ACACA: variants seen among roughly 807,000 people sequenced by gnomAD.
ACACA encodes the protein acetyl-CoA carboxylase 1.
Under a neutral mutation model 296.1 loss-of-function variants are expected in ACACA, and 103 were observed. The ratio of observed to expected loss-of-function variants is 0.35; its 90% CI spans 0.30 to 0.41. ACACA has a LOEUF of 0.41. ACACA is among the 10% of genes least tolerant of loss of function. The probability of loss-of-function intolerance (pLI) is 1.00; values close to 1 mark genes in which losing one functional copy is unlikely to be tolerated. For synonymous variants in ACACA, 953 were observed against 1,038.6 expected, an observed-to-expected ratio of 0.92 and a Z score of 1.58; for missense variants, 1,554 against 2,989.7, an observed-to-expected ratio of 0.52 and a Z score of 11.20.
At chr17:37,160,651 C>T (rs1433732490) in intron 42 of ACACA, among the ~76,000 whole-genome samples, 1 of 152,176 alleles carries the variant, frequency 6.6e-6, no homozygotes, top group African/African-American at 2.4e-5. Context: ...TGGATTTAAA[C>T]ACTCTGTAAA....
chr17:37,385,601 C>A (rs1261374258), intron 1 of ACACA, among the ~76,000 whole-genome samples: 1 of 152,188 alleles, frequency 6.6e-6, no homozygotes, highest in African/African-American at 2.4e-5. Context: ...CTACTAGACA[C>A]ACTTGCAGCA....
At chr17:37,332,002 C>T (rs1340179194) in intron 2 of ACACA, among the ~76,000 whole-genome samples, 2 of 151,698 alleles carry the variant, frequency 1.3e-5, no homozygotes, top group Admixed American at 1.3e-4. Flanking sequence ...TGTGCTGACA[C>T]TGATATGAGA....
intron 1 of ACACA, among the ~76,000 whole-genome samples, chr17:37,354,773 A>C (rs187725087): frequency 9.9e-4 from 151 of 152,152 alleles, no homozygotes; most frequent in African/African-American, 3.5e-3. Flanking sequence ...CCACAAAAAA[A>C]ATTTAAAATT....
At chr17:37,177,074 C>A (rs1266415364) in intron 41 of ACACA, among the ~76,000 whole-genome samples, 2 of 152,086 alleles carry the variant, frequency 1.3e-5, no homozygotes, top group East Asian at 1.9e-4. Flanking sequence ...AACTCAAAAT[C>A]TTTTGAAGAA....
intron 1 of ACACA, among the ~76,000 whole-genome samples, chr17:37,349,501 T>C (rs952654689): frequency 6.7e-6 from 1 of 148,748 alleles, no homozygotes; most frequent in Admixed American, 6.8e-5. Context: ...ATATCTTACA[T>C]ATATATATCT....
At position 37,341,507 on chromosome 17, in the gene ACACA, T is replaced by C. The variant is rs544675005; in HGVS notation, c.39-1657A>G. 2.2e-4 allele frequency among the ~76,000 whole-genome samples: 33 copies of C among 152,144 alleles called. 1 individual carries two copies. The highest frequency in any genetic ancestry group is 1.8e-3 in the Admixed American group (27 of 15,266). ...GGAGTCAAAACCAGCTGGGCCAACA[T>C]GGTGAAACCTCGTCTTTACTAAACA... is the stretch of plus-strand genomic sequence containing the variant. On this transcript the variant is annotated intron_variant, in intron 1 of 55. Coordinates refer to ENST00000616317, the MANE Select transcript of ACACA (RefSeq NM_198834.3).
chr17:37,252,440 C>T (rs548974051), intron 15 of ACACA, among the ~76,000 whole-genome samples: 6 of 152,170 alleles, frequency 3.9e-5, no homozygotes, highest in Admixed American at 6.5e-5. Context: ...CAAAGAAAAA[C>T]GGTGTATAGC....
chr17:37,390,533 A>T (rs1045504043), intron 1 of ACACA, among the ~76,000 whole-genome samples: 2 of 149,186 alleles, frequency 1.3e-5, no homozygotes, highest in Non-Finnish European at 3.0e-5. Flanking sequence ...AGGCTGAGGC[A>T]GGAGAATTGC....
chr17:37,129,155 T>G (rs2074968431), intron 47 of ACACA, among the ~76,000 whole-genome samples: 1 of 152,224 alleles, frequency 6.6e-6, no homozygotes, highest in African/African-American at 2.4e-5. Flanking sequence ...AATGGGTGAT[T>G]GGGAAATGTC....
chr17:37,340,152 T>A (rs1405340579), intron 1 of ACACA, among the ~76,000 whole-genome samples: 1 of 152,190 alleles, frequency 6.6e-6, no homozygotes, highest in African/African-American at 2.4e-5. Context: ...AATTTTCATT[T>A]CTAATATTTC....
At position 37,352,727 on chromosome 17, in the gene ACACA, C is replaced by CAA. The variant is rs58899496; in HGVS notation, c.39-12879_39-12878dup. Among the ~76,000 whole-genome samples, 126 of 126,030 alleles carry CAA rather than the reference C, an allele frequency of 1.0e-3. 1 individual carries two copies. Among genetic ancestry groups the CAA allele is most frequent in the African/African-American group, 3.6e-3 (124 of 34,174 alleles). The allele number at this position is 126,030 out of a possible 152,430, so 82.7% of individuals were successfully genotyped here. A position where few individuals can be genotyped will look rare whatever the true frequency, so the allele number is the denominator to read the frequency against. On this transcript the variant is annotated intron_variant, in intron 1 of 55. Coordinates refer to ENST00000616317, the MANE Select transcript of ACACA (RefSeq NM_198834.3). Reference sequence around the variant, plus strand: ...TGAGGGTGACAGAGTGAGACCTTATCAAAAAAAAAAAAGAAAAGAAATTTC... The same window carrying CAA: ...TGAGGGTGACAGAGTGAGACCTTATCAAAAAAAAAAAAAAGAAAAGAAATTTC...
intron 10 of ACACA, 102 bp from the exon 11 acceptor site, chr17:37,263,996 T>G: frequency 1.1e-6 from 1 of 904,244 alleles, no homozygotes; most frequent in South Asian, 1.5e-5. Context: ...TGTCCAGAAG[T>G]GTCAGGAACC....
In ACACA at chr17:37,332,508, C is replaced by T. The variant is rs1048549261; in HGVS notation, c.86-2083G>A. Among the ~76,000 whole-genome samples, 27 of 151,120 alleles carry T rather than the reference C, an allele frequency of 1.8e-4. 1 individual carries two copies. Among genetic ancestry groups the T allele is most frequent in the African/African-American group, 4.6e-4 (19 of 41,124 alleles). On this transcript the variant is annotated intron_variant, in intron 2 of 55. Coordinates refer to ENST00000616317, the MANE Select transcript of ACACA (RefSeq NM_198834.3). ...AAATAAGCCTGGGCGCGGTGGCTCA[C>T]GCCTATAATCCTAACAACTTGGGAG...
intron 14 of ACACA, among the ~76,000 whole-genome samples, chr17:37,256,514 T>C (rs1270560975): frequency 6.6e-6 from 1 of 152,130 alleles, no homozygotes; most frequent in Non-Finnish European, 1.5e-5. Context: ...TGTGGGGCCA[T>C]TAGAGCCCAG....
intron 9 of ACACA, 99 bp downstream of exon 9, chr17:37,274,094 C>A: frequency 1.0e-6 from 1 of 991,838 alleles, no homozygotes; most frequent in South Asian, 1.3e-5. Flanking sequence ...ATCCCTAACA[C>A]CACCTTGGGT....
intron 9 of ACACA, among the ~76,000 whole-genome samples, chr17:37,271,664 T>C (rs994898129): frequency 2.0e-5 from 3 of 146,496 alleles, no homozygotes; most frequent in African/African-American, 7.5e-5. Flanking sequence ...ACATAAGGAG[T>C]TCACTTAAAA....
At chr17:37,363,626 G>A (rs544927890) in intron 1 of ACACA, among the ~76,000 whole-genome samples, 17 of 152,260 alleles carry the variant, frequency 1.1e-4, no homozygotes, top group African/African-American at 3.6e-4. Context: ...TCACTCTTAG[G>A]ACAAGAAAGT....
intron 1 of ACACA, among the ~76,000 whole-genome samples, chr17:37,380,122 G>A (rs1235231740): frequency 6.6e-6 from 1 of 152,112 alleles, no homozygotes; most frequent in Non-Finnish European, 1.5e-5. Context: ...CATGTCCTTT[G>A]TAGGGACATG....
intron 2 of ACACA, among the ~76,000 whole-genome samples, chr17:37,336,907 C>T (rs1188131449): frequency 1.3e-5 from 2 of 152,234 alleles, no homozygotes; most frequent in South Asian, 2.1e-4. Flanking sequence ...TACATATGCA[C>T]GATTGTTCTG....
Sources: allele counts gnomAD v4.1 joint callset (sites outside exome capture counted in the v4.1 genomes callset), GRCh38; gene constraint gnomAD v4.1.1; transcripts MANE v1.5; gene names NCBI Gene and HGNC (gene_info 2026-07-23, HGNC 2026-07-21).